The following TPH2 variants were observed in gnomAD, a reference collection of about 807,000 sequenced individuals.
TPH2 encodes the protein tryptophan 5-hydroxylase 2.
In TPH2, 27 loss-of-function variants were observed where a neutral mutation model predicts 59.1. That is an observed-to-expected ratio of 0.46 (90% confidence interval 0.34 to 0.63). The LOEUF is 0.63. TPH2 is among the 30% of genes least tolerant of loss of function. The probability of loss-of-function intolerance (pLI) is 0.01; values close to 1 mark genes in which losing one functional copy is unlikely to be tolerated. For missense variants in TPH2, 523 were observed against 588.3 expected (o/e 0.89, Z 1.15); for synonymous variants, 220 against 210.5 (o/e 1.05, Z -0.39).
chr12:71,997,431 C>G (rs1407558801), intron 8 of TPH2, among the ~76,000 whole-genome samples: 6 of 152,194 alleles, frequency 3.9e-5, no homozygotes. Context: ...TACTTTTACA[C>G]TTTCTGGGAA....
intron 5 of TPH2, among the ~76,000 whole-genome samples, chr12:71,956,100 G>T (rs1267390069): frequency 1.3e-5 from 2 of 152,212 alleles, no homozygotes; most frequent in African/African-American, 2.4e-5. Context: ...CTGTTTGCAG[G>T]AGGCGTCAGT....
intron 8 of TPH2, among the ~76,000 whole-genome samples, chr12:71,997,544 C>T (rs902715913): frequency 1.3e-5 from 2 of 152,166 alleles, no homozygotes; most frequent in Admixed American, 6.5e-5. Flanking sequence ...AATTCCAATA[C>T]TCTTGGCCTT....
chr12:72,028,426 T>C (rs557971777), intron 9 of TPH2, among the ~76,000 whole-genome samples: 62 of 152,286 alleles, frequency 4.1e-4, no homozygotes, highest in Admixed American at 3.9e-4. Context: ...GACTTCTCCA[T>C]TGGGCAATAG....
At chr12:72,030,718 C>T (rs1462060141) in intron 9 of TPH2, among the ~76,000 whole-genome samples, 14 of 152,024 alleles carry the variant, frequency 9.2e-5, no homozygotes, top group Admixed American at 9.2e-4. Context: ...TTTAAGTATC[C>T]TCAAATATAC....
At chr12:71,994,284 A>G (rs1227569188) in intron 7 of TPH2, among the ~76,000 whole-genome samples, 155 bp from the exon 8 acceptor site, 1 of 152,230 alleles carries the variant, frequency 6.6e-6, no homozygotes, top group African/African-American at 2.4e-5. Flanking sequence ...GGGATTTCAG[A>G]CATATTAAAA....
At chr12:72,027,781 A>C (rs1382078534) in intron 9 of TPH2, among the ~76,000 whole-genome samples, 2 of 152,278 alleles carry the variant, frequency 1.3e-5, no homozygotes, top group Non-Finnish European at 2.9e-5. Flanking sequence ...ATCCATCCGC[A>C]GGCCCAGTGG....
At chr12:71,961,314 A>T (rs1289656973) in intron 5 of TPH2, among the ~76,000 whole-genome samples, 1 of 152,218 alleles carries the variant, frequency 6.6e-6, no homozygotes, top group African/African-American at 2.4e-5. Flanking sequence ...ATATGACATA[A>T]TCCATGTAAT....
At chr12:71,969,367 C>T (rs1308574949) in intron 5 of TPH2, among the ~76,000 whole-genome samples, 4 of 152,168 alleles carry the variant, frequency 2.6e-5, no homozygotes, top group African/African-American at 9.6e-5. Flanking sequence ...GCTCCCTTCT[C>T]ATACGTGATT....
At chr12:71,946,692 T>G (rs1274620316) in intron 4 of TPH2, among the ~76,000 whole-genome samples, 1 of 152,204 alleles carries the variant, frequency 6.6e-6, no homozygotes, top group Non-Finnish European at 1.5e-5. Context: ...AAGCACTTTT[T>G]CTGCCTGGGA....
chr12:71,953,710 T>C (rs1871415884), intron 5 of TPH2, among the ~76,000 whole-genome samples: 1 of 152,162 alleles, frequency 6.6e-6, no homozygotes. Context: ...CATTTGAGAT[T>C]GGGGTAGTTT....
rs1437584135 is a variant in TPH2, at chr12:71,953,161, G to GC, written c.608+3507dup. Among the ~76,000 whole-genome samples the GC allele has an allele frequency of 2.3e-4, 35 of 149,530 alleles. 1 individual carries two copies. The East Asian group carries it at 6.3e-3, about 27-fold the overall frequency. ...TATTCCTCCCCACCCCCTTTTCCCTGCTTTTTTTTTTTTGCACATGGGAAG... is the reference window on the plus strand; with the variant it reads ...TATTCCTCCCCACCCCCTTTTCCCTGCCTTTTTTTTTTTTGCACATGGGAAG... On this transcript the variant is annotated intron_variant, in intron 5 of 10. Coordinates refer to ENST00000333850, the MANE Select transcript of TPH2 (RefSeq NM_173353.4).
intron 8 of TPH2, among the ~76,000 whole-genome samples, chr12:72,007,199 C>T (rs148128651): frequency 2.6e-3 from 398 of 152,232 alleles, no homozygotes; most frequent in African/African-American, 8.9e-3. Flanking sequence ...TAAGAGATGT[C>T]GAGCTTCTCC....
At chr12:71,961,572 G>A in intron 5 of TPH2, 1 of 1,352,076 alleles carries the variant, frequency 7.4e-7, no homozygotes, top group Middle Eastern at 2.1e-4. Context: ...ACTGTTAGCT[G>A]CTATTGGCGA....
At chr12:72,009,717 T>A (rs1873050047) in intron 8 of TPH2, among the ~76,000 whole-genome samples, 1 of 152,192 alleles carries the variant, frequency 6.6e-6, no homozygotes, top group South Asian at 2.1e-4. Context: ...ACAAAGGAAA[T>A]GAAGGCACCT....
chr12:71,958,084 C>T (rs1410551150), intron 5 of TPH2, among the ~76,000 whole-genome samples: 3 of 152,128 alleles, frequency 2.0e-5, no homozygotes, highest in Non-Finnish European at 4.4e-5. Context: ...AACTGATCTT[C>T]GGAGACATTA....
chr12:71,948,557 C>T (rs1254515354), intron 4 of TPH2, among the ~76,000 whole-genome samples: 2 of 152,176 alleles, frequency 1.3e-5, no homozygotes, highest in African/African-American at 2.4e-5. Context: ...TCCTCTTGAG[C>T]GGCCCATCTT....
intron 6 of TPH2, among the ~76,000 whole-genome samples, chr12:71,978,449 T>A (rs4760815): frequency 0.57 from 87,232 of 151,954 alleles, 25,244 homozygotes; most frequent in Middle Eastern, 0.6. Context: ...TTATATAACA[T>A]CACAGAAAAC....
At chr12:72,003,128 T>C (rs538656784) in intron 8 of TPH2, among the ~76,000 whole-genome samples, 3 of 152,324 alleles carry the variant, frequency 2.0e-5, no homozygotes, top group Admixed American at 1.3e-4. Context: ...TGGGGAATCT[T>C]TGGATGCTGA....
intron 8 of TPH2, among the ~76,000 whole-genome samples, chr12:72,017,132 C>T (rs1873275865): frequency 6.6e-6 from 1 of 152,142 alleles, no homozygotes; most frequent in Admixed American, 6.6e-5. Flanking sequence ...CAGGTGGCAC[C>T]ATTACATATT....
Sources: allele counts gnomAD v4.1 joint callset (sites outside exome capture counted in the v4.1 genomes callset), GRCh38; gene constraint gnomAD v4.1.1; transcripts MANE v1.5; gene names NCBI Gene and HGNC (gene_info 2026-07-23, HGNC 2026-07-21).